LRRFIP1: variants seen among roughly 807,000 people sequenced by gnomAD.
LRRFIP1 encodes leucine-rich repeat flightless-interacting protein 1.
A neutral mutation model predicts 104.4 loss-of-function variants in LRRFIP1; 62 were observed. The observed-to-expected ratio is 0.59, with a 90% CI of 0.48 to 0.73. The LOEUF (loss-of-function observed/expected upper bound fraction) is 0.73. Among genes scored for constraint, LRRFIP1 ranks in the 30% least tolerant of loss-of-function variants. The pLI is 0.00. For synonymous variants in LRRFIP1, 300 were observed against 299.0 expected (o/e 1.00, Z -0.03); for missense variants, 796 against 824.5 (o/e 0.97, Z 0.42).
intron 1 of LRRFIP1, among the ~76,000 whole-genome samples, chr2:237,698,158 G>C (rs945362960): frequency 9.2e-5 from 14 of 152,212 alleles, no homozygotes; most frequent in African/African-American, 3.4e-4. Flanking sequence ...ATTCTGAAAA[G>C]CAAAGCCTGG....
chr2:237,775,235 A>G (rs542394207), intron 23 of LRRFIP1, among the ~76,000 whole-genome samples: 53 of 152,356 alleles, frequency 3.5e-4, no homozygotes, highest in African/African-American at 1.2e-3. Flanking sequence ...CTTGTGGCAT[A>G]TAAGGACAGG....
At chr2:237,718,755 G>T (rs901511377) in intron 4 of LRRFIP1, among the ~76,000 whole-genome samples, 1 of 152,066 alleles carries the variant, frequency 6.6e-6, no homozygotes, top group South Asian at 2.1e-4. Context: ...AACATCTTAC[G>T]TACTGGGTAT....
chr2:237,747,098 G>A (rs541330811), intron 11 of LRRFIP1, among the ~76,000 whole-genome samples: 7 of 152,302 alleles, frequency 4.6e-5, no homozygotes, highest in African/African-American at 1.4e-4. Context: ...GAGCCAGGCC[G>A]CAGGGTTTAG....
intron 23 of LRRFIP1, 49 bp from the exon 24 acceptor site, chr2:237,779,373 T>C (rs1473953988): frequency 6.3e-7 from 1 of 1,597,948 alleles, no homozygotes; most frequent in Admixed American, 1.7e-5. Context: ...CCTGTTATGT[T>C]TGGAGGAAAC....
intron 1 of LRRFIP1, among the ~76,000 whole-genome samples, chr2:237,646,938 T>C (rs1226466463): frequency 2.0e-5 from 3 of 152,040 alleles, no homozygotes; most frequent in African/African-American, 7.2e-5. Context: ...GACTGAATCA[T>C]AGAAAGGGGT....
intron 14 of LRRFIP1, among the ~76,000 whole-genome samples, chr2:237,752,698 C>T (rs1469441335): frequency 6.6e-6 from 1 of 152,366 alleles, no homozygotes; most frequent in East Asian, 1.9e-4. Context: ...ATTTTACAGG[C>T]CTCTTTCTCT....
At chr2:237,725,398 A>T (rs1321714030) in intron 7 of LRRFIP1, among the ~76,000 whole-genome samples, 1 of 152,204 alleles carries the variant, frequency 6.6e-6, no homozygotes, top group Non-Finnish European at 1.5e-5. Flanking sequence ...GACCCAACTT[A>T]AGATGAAGTT....
At chr2:237,775,775 C>T (rs1235484688) in intron 23 of LRRFIP1, among the ~76,000 whole-genome samples, 1 of 151,980 alleles carries the variant, frequency 6.6e-6, no homozygotes, top group Admixed American at 6.6e-5. Context: ...GAGGTGAAAG[C>T]TGCTTTGACA....
chr2:237,760,658 A>G (rs907316930), intron 19 of LRRFIP1, among the ~76,000 whole-genome samples: 1 of 152,206 alleles, frequency 6.6e-6, no homozygotes, highest in Non-Finnish European at 1.5e-5. Context: ...CAACATCGAC[A>G]TCCTGGGCAG....
chr2:237,717,015 T>C lies in LRRFIP1; in HGVS notation c.202-747T>C, dbSNP rs1022181779. Among the ~76,000 whole-genome samples, 3 of 151,010 alleles carry C rather than the reference T, an allele frequency of 2.0e-5. No homozygotes were observed. The highest frequency in any genetic ancestry group is 7.4e-5 in the African/African-American group (3 of 40,344). Reference sequence around the variant, plus strand: ...TTTTAAAACATTATGAAATTTTTTTTGCAATTTTTTTTTTTTAGCTTATCA... The same window carrying C: ...TTTTAAAACATTATGAAATTTTTTTCGCAATTTTTTTTTTTTAGCTTATCA... On this transcript the variant is annotated intron_variant, in intron 3 of 23. Coordinates refer to ENST00000308482, the MANE Select transcript of LRRFIP1 (RefSeq NM_001137550.2). This position sits in a 1 kb window ranked among gnomAD's most constrained non-coding sequence, Gnocchi z 4.2.
At chr2:237,680,725 T>G (rs2091715483) in intron 1 of LRRFIP1, among the ~76,000 whole-genome samples, 1 of 152,224 alleles carries the variant, frequency 6.6e-6, no homozygotes, top group African/African-American at 2.4e-5. Flanking sequence ...CACATGCCTG[T>G]AATCCCAGCG....
intron 1 of LRRFIP1, among the ~76,000 whole-genome samples, chr2:237,640,744 C>T (rs1229823571): frequency 1.3e-5 from 2 of 152,228 alleles, no homozygotes; most frequent in African/African-American, 2.4e-5. Flanking sequence ...GCTCTCTGCA[C>T]GATACTCTCC....
chr2:237,689,416 G>C (rs11891841), intron 1 of LRRFIP1, among the ~76,000 whole-genome samples: 4,315 of 152,292 alleles, frequency 0.028, 217 homozygotes, highest in African/African-American at 0.098. Context: ...ATCTAGAAGG[G>C]TGTCAGGATG....
intron 14 of LRRFIP1, among the ~76,000 whole-genome samples, chr2:237,752,295 A>G (rs1033342483): frequency 3.3e-5 from 5 of 152,202 alleles, no homozygotes; most frequent in Admixed American, 1.3e-4. Context: ...AATCCCAGCT[A>G]CTTGGGAGGC....
intron 1 of LRRFIP1, among the ~76,000 whole-genome samples, chr2:237,682,660 A>G (rs1052373910): frequency 9.9e-5 from 15 of 152,080 alleles, no homozygotes; most frequent in African/African-American, 3.6e-4. Context: ...GTGTGACCAC[A>G]CCACATCTGA....
chr2:237,751,385 G>T, intron 14 of LRRFIP1, 114 bp downstream of exon 14: 1 of 796,302 alleles, frequency 1.3e-6, no homozygotes, highest in East Asian at 2.7e-5. Context: ...TAGGCTCCAG[G>T]GTGTAGAAGA....
rs755568485 is a variant in LRRFIP1, at chr2:237,758,798, G to A, written c.1294G>A (p.Val432Ile). The stretch of plus-strand genomic sequence containing the variant: ...ACGGGATGATCTTAGAGAAGAAGTA[G>A]TCATGCTGAAAGAGGAATTAAAGGT... Reference protein sequence around the residue: ...SERDDLREEVVMLKEELKKHG... With the variant: ...SERDDLREEVIMLKEELKKHG... Residue 432 changes from valine to isoleucine, a missense_variant, in exon 18 of 24, where the codon GTC becomes ATC. Transcript: ENST00000308482. 2.5e-6 allele frequency: 4 copies of A among 1,612,566 alleles called. No individual in the cohort carries two copies. The highest frequency in any genetic ancestry group is 2.2e-5 in the East Asian group (1 of 44,842).
intron 11 of LRRFIP1, among the ~76,000 whole-genome samples, chr2:237,741,777 G>A (rs895667458): frequency 6.6e-6 from 1 of 151,792 alleles, no homozygotes; most frequent in Non-Finnish European, 1.5e-5. Flanking sequence ...GCAGTGAGCT[G>A]AGATCGCACC....
intron 10 of LRRFIP1, among the ~76,000 whole-genome samples, chr2:237,738,289 C>T (rs2095313782): frequency 6.6e-6 from 1 of 152,048 alleles, no homozygotes; most frequent in Non-Finnish European, 1.5e-5. Context: ...ATGAGCACCC[C>T]TGAAGATATG....
Sources: allele counts gnomAD v4.1 joint callset (sites outside exome capture counted in the v4.1 genomes callset), GRCh38; gene constraint gnomAD v4.1.1; non-coding constraint Gnocchi (gnomAD v3.1); transcripts MANE v1.5; gene names NCBI Gene and HGNC (gene_info 2026-07-23, HGNC 2026-07-21).